ZAN: variants seen among roughly 807,000 people sequenced by gnomAD.
The protein encoded by ZAN is zonadhesin.
ZAN carries 260 observed loss-of-function variants against 286.2 expected under a neutral mutation model. The observed-to-expected ratio is 0.91, with a 90% CI of 0.82 to 1.01. The LOEUF is 1.01. Among genes scored for constraint, ZAN ranks in the 50% least tolerant of loss-of-function variants. The pLI, the probability that ZAN is intolerant of heterozygous loss-of-function variation, is 0.00. For synonymous variants in ZAN, 1,368 were observed against 1,417.5 expected, an observed-to-expected ratio of 0.97 and a Z score of 0.79; for missense variants, 3,410 against 3,639.2, an observed-to-expected ratio of 0.94 and a Z score of 1.62.
At chr7:100,790,896 A>AAG in intron 39 of ZAN, 46 bp from the exon 40 acceptor site, 1 of 1,480,312 alleles carries the variant, frequency 6.8e-7, no homozygotes. Context: ...AAAAAAAAAA[A>AAG]AAAGAGTGAG....
Position 100,752,025 on chromosome 7 carries a change from C to T in ZAN, c.1920C>T (p.Pro640=). 6.2e-7 allele frequency: 1 copy of T among 1,613,178 alleles called. No homozygotes were observed. Among genetic ancestry groups the T allele is most frequent in the Non-Finnish European group, 8.5e-7 (1 of 1,179,746 alleles). Residue 640 remains proline, a synonymous_variant, in exon 14 of 48, where the codon CCC becomes CCT. Transcript: ENST00000613979. ...AACCCACCATTCCCTCAGAAAAACC[C>T]ACCATTCCCTCAGAAAAACCCACCA... ...TEKPTIPSEK[P]TIPSEKPTIS...
rs1454056415 is a variant in ZAN, at chr7:100,791,107, TC to T, written c.7527del (p.Arg2510GlyfsTer159). 1.2e-6 allele frequency: 2 copies of T among 1,611,016 alleles called. No homozygotes were observed. Among genetic ancestry groups the T allele is most frequent in the South Asian group, 1.1e-5 (1 of 90,524 alleles). ...EVKTEDALLR[F>X]PRAIPAEEEG... Reference sequence around the variant, plus strand: ...AAGACCGAGGACGCACTCCTGCGCTTCCCCAGGTGCACGGCCTGGAAGGGAT... The same window carrying T: ...AAGACCGAGGACGCACTCCTGCGCTTCCCAGGTGCACGGCCTGGAAGGGAT... On this transcript the variant is annotated frameshift_variant, in exon 40 of 48. Transcript: ENST00000613979. LOFTEE classifies it high-confidence loss of function.
chr7:100,768,077 TC>T (rs920832789), intron 26 of ZAN, 66 bp downstream of exon 26: 37 of 1,520,128 alleles, frequency 2.4e-5, no homozygotes, highest in Non-Finnish European at 3.1e-5. Context: ...TGGTCCCAGC[TC>T]CCCCAACATC....
At chr7:100,745,903 C>A (rs1562917610) in intron 7 of ZAN, among the ~76,000 whole-genome samples, 1 of 151,294 alleles carries the variant, frequency 6.6e-6, no homozygotes, top group Admixed American at 6.6e-5. Flanking sequence ...AGAAAAGGAA[C>A]AGGCTATGAC....
intron 33 of ZAN, among the ~76,000 whole-genome samples, chr7:100,776,140 C>A (rs1810765193): frequency 6.6e-6 from 1 of 151,830 alleles, no homozygotes; most frequent in African/African-American, 2.4e-5. Flanking sequence ...ATGGTGAAAC[C>A]CCGTCTCTAT....
rs1461090457 is a variant in ZAN, at chr7:100,773,413, A to G, written c.5554A>G (p.Lys1852Glu). 2 of 1,613,902 alleles carry G rather than the reference A, an allele frequency of 1.2e-6. No homozygotes were observed. Among genetic ancestry groups the G allele is most frequent in the African/African-American group, 1.3e-5 (1 of 74,954 alleles). Residue 1852 changes from lysine (K) to glutamate (E), a missense_variant, in exon 30 of 48, where the codon AAA (lysine) becomes GAA (glutamate). Lys to Glu is a moderately conservative substitution (Grantham distance 56). Coordinates refer to ENST00000613979, the MANE Select transcript of ZAN (RefSeq NM_003386.3). ...LPCAESCECQ[K>E]GHILSGTSCV... ...CTGTGCTGAGAGCTGTGAATGTCAGAAAGGCCACATCTTGAGTGGAACCTC... is the reference window on the plus strand; with the variant it reads ...CTGTGCTGAGAGCTGTGAATGTCAGGAAGGCCACATCTTGAGTGGAACCTC...
At position 100,783,783 on chromosome 7, in the gene ZAN, T is replaced by C. The variant is rs57476668; in HGVS notation, c.6623-840T>C. ...AAAAAAATATATATATATATATATA[T>C]ACACATATATATATATACACACATA... On this transcript the variant is annotated intron_variant, in intron 35 of 47. Coordinates refer to ENST00000613979, the MANE Select transcript of ZAN (RefSeq NM_003386.3). Among the ~76,000 whole-genome samples, 74 of 20,456 alleles carry C rather than the reference T, an allele frequency of 3.6e-3. 11 individuals are homozygous for C. The highest frequency in any genetic ancestry group is 0.019 in the South Asian group (10 of 522). 13.4% of individuals were successfully genotyped at this position (20,456 alleles called of 152,430 possible).
Position 100,793,811 on chromosome 7 carries a change from TC to T in ZAN, c.7788-5del. 6.4e-7 allele frequency: 1 copy of T among 1,572,866 alleles called. No individual in the cohort carries two copies. Among genetic ancestry groups the T allele is most frequent in the Non-Finnish European group, 8.6e-7 (1 of 1,156,804 alleles). ...CCCAGCCAGTTTCTGACCATGACTG[TC>T]CCCGCAGCCATGGAGTGTCCAGCAG... is the stretch of plus-strand genomic sequence containing the variant. On this transcript the variant is annotated splice_polypyrimidine_tract_variant and splice_region_variant and intron_variant, in intron 42 of 47. Transcript: ENST00000613979.
intron 6 of ZAN, 137 bp from the exon 7 acceptor site, chr7:100,738,324 G>C: frequency 1.2e-6 from 1 of 822,314 alleles, no homozygotes; most frequent in Non-Finnish European, 1.9e-6. Flanking sequence ...AGGTTGAGGT[G>C]GGAGGACCGC....
chr7:100,777,416 G>T (rs956259996), intron 34 of ZAN, among the ~76,000 whole-genome samples: 3 of 151,358 alleles, frequency 2.0e-5, no homozygotes, highest in African/African-American at 7.3e-5. Flanking sequence ...GTGCAGTGGC[G>T]CAATCTTGGC....
chr7:100,780,520 CCAAA>C (rs1811127908), intron 35 of ZAN, among the ~76,000 whole-genome samples: 1 of 151,676 alleles, frequency 6.6e-6, no homozygotes, highest in African/African-American at 2.4e-5. Flanking sequence ...CAAAAAATTA[CCAAA>C]CTAGCTGGGT....
In ZAN at chr7:100,751,778, G is replaced by A; in HGVS notation, c.1673G>A (p.Gly558Asp). Residue 558 changes from glycine to aspartate, a missense_variant, in exon 14 of 48, where the codon GGC becomes GAC. Around this residue, in one of 7 missense-constraint regions of ZAN, gnomAD observed 872 missense variants for 938.9 expected, o/e 0.93. Transcript: ENST00000613979. ...VSSTGPSETTGLTENPTISTK... is the reference protein window; with the variant it reads ...VSSTGPSETTDLTENPTISTK... Reference sequence around the variant, plus strand: ...TCCACTGGCCCTTCTGAAACCACTGGCCTCACAGAAAACCCTACAATCTCC... The same window carrying A: ...TCCACTGGCCCTTCTGAAACCACTGACCTCACAGAAAACCCTACAATCTCC... 2 of 1,610,620 alleles carry A rather than the reference G, an allele frequency of 1.2e-6. No homozygotes were observed. The highest frequency in any genetic ancestry group is 8.5e-7 in the Non-Finnish European group (1 of 1,179,152).
Position 100,736,920 on chromosome 7 carries a change from A to G in ZAN, c.365A>G (p.His122Arg), listed in dbSNP as rs1807343148. The G allele has an allele frequency of 1.3e-6, 2 of 1,497,088 alleles. 1 individual carries two copies. The highest frequency in any genetic ancestry group is 1.8e-6 in the Non-Finnish European group (2 of 1,094,842). 92.7% of individuals were successfully genotyped at this position (1,497,088 alleles called of 1,614,324 possible). The change falls in exon 5 of 48, where the codon CAC (histidine) becomes CGC (arginine). Residue 122 changes from histidine (H) to arginine (R), a missense_variant. Physicochemically the swap from His to Arg is conservative, Grantham distance 29. Transcript: ENST00000613979. The part of the protein sequence containing the change: ...QGPLCVHFAH[H>R]MFGLSWGAQL... ...CCCCTCTGTGTGCACTTTGCCCACC[A>G]CATGTTCGGGCTGTCTTGGGGCGCC...
chr7:100,752,104 G>T lies in ZAN; in HGVS notation c.1999G>T (p.Glu667Ter). The part of the protein sequence containing the change: ...PTEEPTTPTE[E>*]TTTSMEEPVI... ...AGAAGAGCCCACCACCCCCACTGAG[G>T]AGACCACCACCTCCATGGAAGAGCC... The change falls in exon 14 of 48, where the codon GAG becomes TAG. Residue 667 changes from glutamate to a stop codon, truncating the protein, a stop_gained. Coordinates refer to ENST00000613979, the MANE Select transcript of ZAN (RefSeq NM_003386.3). LOFTEE classifies it high-confidence loss of function. 1 of 1,580,540 alleles carries T rather than the reference G, an allele frequency of 6.3e-7. No individual in the cohort carries two copies. Among genetic ancestry groups the T allele is most frequent in the Non-Finnish European group, 8.6e-7 (1 of 1,168,636 alleles).
chr7:100,760,907 T>C (rs1168262190), intron 19 of ZAN, among the ~76,000 whole-genome samples: 4 of 152,104 alleles, frequency 2.6e-5, no homozygotes, highest in African/African-American at 9.7e-5. Context: ...TCTTCTTCTT[T>C]TTTTTGAGAC....
chr7:100,783,799 T>C lies in ZAN; in HGVS notation c.6623-824T>C, dbSNP rs1459471588. On this transcript the variant is annotated intron_variant, in intron 35 of 47. Transcript: ENST00000613979. The stretch of plus-strand genomic sequence containing the variant: ...ATATATATATACACATATATATATA[T>C]ACACACATATATATATACATATATA... 2.8e-3 allele frequency among the ~76,000 whole-genome samples: 94 copies of C among 33,616 alleles called. 12 individuals carry two copies. The highest frequency in any genetic ancestry group is 0.042 in the Middle Eastern group (1 of 24). The allele number at this position is 33,616 out of a possible 152,430, so 22.1% of individuals were successfully genotyped here. A position where few individuals can be genotyped will look rare whatever the true frequency, so the allele number is the denominator to read the frequency against.
intron 34 of ZAN, 122 bp from the exon 35 acceptor site, chr7:100,779,324 G>A (rs945629167): frequency 2.0e-6 from 2 of 982,726 alleles, no homozygotes; most frequent in African/African-American, 3.3e-5. Flanking sequence ...GTTGCAGTGA[G>A]CTGAGACTGT....
intron 19 of ZAN, among the ~76,000 whole-genome samples, chr7:100,760,742 A>C (rs1432513845): frequency 2.6e-5 from 4 of 152,280 alleles, no homozygotes; most frequent in Admixed American, 2.6e-4. Flanking sequence ...GTTTCGGGGC[A>C]TGTGATAGAT....
intron 17 of ZAN, among the ~76,000 whole-genome samples, chr7:100,759,235 GA>G (rs112702630): frequency 2.3e-4 from 33 of 143,886 alleles, no homozygotes; most frequent in East Asian, 6.1e-4. Context: ...CTCTGTCTCA[GA>G]AAAAAAAAAA....
Sources: allele counts gnomAD v4.1 joint callset (sites outside exome capture counted in the v4.1 genomes callset), GRCh38; gene constraint gnomAD v4.1.1; regional missense constraint gnomAD v4.1.1; transcripts MANE v1.5; gene names NCBI Gene and HGNC (gene_info 2026-07-23, HGNC 2026-07-21).